The following PEBP4 variants were observed in gnomAD, a reference collection of about 807,000 sequenced individuals.
PEBP4 encodes phosphatidylethanolamine binding protein 4, also known as phosphatidylethanolamine-binding protein 4.
A neutral mutation model predicts 23.9 loss-of-function variants in PEBP4; 22 were observed. The observed-to-expected ratio is 0.92, with a 90% confidence interval of 0.66 to 1.31. The LOEUF (loss-of-function observed/expected upper bound fraction) is 1.31. PEBP4 is among the 40% of genes most tolerant of loss of function. The pLI, the probability that PEBP4 is intolerant of heterozygous loss-of-function variation, is 0.00. For synonymous variants in PEBP4, 112 were observed against 99.3 expected, an observed-to-expected ratio of 1.13 and a Z score of -0.76; for missense variants, 324 against 281.7, an observed-to-expected ratio of 1.15 and a Z score of -1.07.
chr8:22,836,054 C>G (rs1807199248), intron 3 of PEBP4, among the ~76,000 whole-genome samples: 2 of 152,244 alleles, frequency 1.3e-5, no homozygotes, highest in Non-Finnish European at 2.9e-5. Context: ...GGCTCAGGGT[C>G]TCTGCCTAAG....
intron 2 of PEBP4, among the ~76,000 whole-genome samples, chr8:22,926,594 C>A (rs1375065261): frequency 2.6e-5 from 4 of 152,136 alleles, no homozygotes; most frequent in Non-Finnish European, 2.9e-5. Context: ...TGATCCTCCA[C>A]CTTGGCCTCC....
intron 3 of PEBP4, among the ~76,000 whole-genome samples, chr8:22,824,279 G>C (rs541605626): frequency 1.9e-4 from 29 of 152,134 alleles, no homozygotes; most frequent in African/African-American, 6.3e-4. Context: ...GAAAAAAAAA[G>C]TCATGGTGAG....
intron 3 of PEBP4, among the ~76,000 whole-genome samples, chr8:22,893,232 C>G (rs1329302061): frequency 6.6e-6 from 1 of 152,124 alleles, no homozygotes; most frequent in Non-Finnish European, 1.5e-5. Flanking sequence ...AAAATTAGCC[C>G]TAGAAAAACG....
At chr8:22,787,656 C>T (rs1244589754) in intron 4 of PEBP4, among the ~76,000 whole-genome samples, 1 of 152,242 alleles carries the variant, frequency 6.6e-6, no homozygotes, top group Non-Finnish European at 1.5e-5. Context: ...GCCAATTCAA[C>T]ATGGCCTCTA....
intron 1 of PEBP4, among the ~76,000 whole-genome samples, chr8:22,938,850 G>A (rs1401710140): frequency 6.6e-6 from 1 of 152,172 alleles, no homozygotes; most frequent in Non-Finnish European, 1.5e-5. Context: ...ATTCCCCACA[G>A]CACTATGAAC....
chr8:22,763,566 T>G (rs534567081), intron 4 of PEBP4, among the ~76,000 whole-genome samples: 18 of 152,308 alleles, frequency 1.2e-4, no homozygotes, highest in African/African-American at 4.1e-4. Context: ...TTGCCTCTGT[T>G]TCCCCCATAT....
At chr8:22,902,041 G>A (rs1449981848) in intron 3 of PEBP4, among the ~76,000 whole-genome samples, 2 of 152,160 alleles carry the variant, frequency 1.3e-5, no homozygotes, top group African/African-American at 2.4e-5. Context: ...AATTTTAGCC[G>A]GGCGCAGTGG....
chr8:22,851,775 T>C (rs1341437731), intron 3 of PEBP4, among the ~76,000 whole-genome samples: 2 of 152,058 alleles, frequency 1.3e-5, no homozygotes, highest in African/African-American at 4.8e-5. Flanking sequence ...GGAGTGTGTG[T>C]CAGCCCTGAT....
intron 4 of PEBP4, among the ~76,000 whole-genome samples, chr8:22,750,159 T>TG (rs1327417470): frequency 1.3e-5 from 2 of 151,446 alleles, no homozygotes; most frequent in Non-Finnish European, 2.9e-5. Flanking sequence ...TGGAGTGCAG[T>TG]GGTGTGATCT....
chr8:22,902,566 C>T (rs183356361), intron 3 of PEBP4, among the ~76,000 whole-genome samples: 1 of 152,106 alleles, frequency 6.6e-6, no homozygotes, highest in African/African-American at 2.4e-5. Flanking sequence ...CAACCTCTCC[C>T]TCCTGCACAG....
chr8:22,848,084 ATG>A (rs943603408), intron 3 of PEBP4, among the ~76,000 whole-genome samples: 3 of 151,990 alleles, frequency 2.0e-5, no homozygotes, highest in African/African-American at 7.3e-5. Context: ...AAGCCGTTTT[ATG>A]CCTCATTACC....
chr8:22,726,732 G>A (rs914453040), intron 5 of PEBP4, among the ~76,000 whole-genome samples: 3 of 152,218 alleles, frequency 2.0e-5, no homozygotes, highest in African/African-American at 4.8e-5. Flanking sequence ...CCAAGCCCAC[G>A]CTGCTTCACG....
intron 4 of PEBP4, among the ~76,000 whole-genome samples, chr8:22,768,743 G>A (rs1419593142): frequency 6.6e-6 from 1 of 152,048 alleles, no homozygotes; most frequent in Non-Finnish European, 1.5e-5. Context: ...GAGGAGTGGG[G>A]GCGGGCTTTT....
rs116877501 is a variant in PEBP4 at position 22,819,470 on chromosome 8, G to A, written c.259-1735C>T. On this transcript the variant is annotated intron_variant, in intron 3 of 6. Coordinates refer to ENST00000256404, the MANE Select transcript of PEBP4 (RefSeq NM_144962.3). Reference sequence around the variant, plus strand: ...AATAGGCTGAGCTGAGATGGGAGACGAGGAATTGGAGATAGCTGTTAGAGA... The same window carrying A: ...AATAGGCTGAGCTGAGATGGGAGACAAGGAATTGGAGATAGCTGTTAGAGA... 2.6e-3 allele frequency among the ~76,000 whole-genome samples: 403 copies of A among 152,308 alleles called. 1 individual carries two copies. Among genetic ancestry groups the A allele is most frequent in the Middle Eastern group, 6.8e-3 (2 of 294 alleles).
chr8:22,741,149 C>G (rs1230327895), intron 4 of PEBP4, among the ~76,000 whole-genome samples: 1 of 152,124 alleles, frequency 6.6e-6, no homozygotes, highest in Non-Finnish European at 1.5e-5. Flanking sequence ...AGGGCCCTGT[C>G]CCAAGCAGGA....
chr8:22,857,096 T>G (rs1164978429), intron 3 of PEBP4, among the ~76,000 whole-genome samples: 1 of 152,156 alleles, frequency 6.6e-6, no homozygotes, highest in Non-Finnish European at 1.5e-5. Context: ...TATAAAAATG[T>G]AGAGGAATTT....
In PEBP4 at chr8:22,713,683, CG is replaced by C. The variant is rs2128747270; in HGVS notation, c.518-148del. 18 of 1,141,788 alleles carry C rather than the reference CG, an allele frequency of 1.6e-5. 1 individual carries two copies. In the South Asian group the frequency reaches 2.7e-4, roughly 17 times the overall value. 70.7% of individuals were successfully genotyped at this position (1,141,788 alleles called of 1,614,324 possible). ...GGGGCGTAGTGGCTGGGGGAGCTTC[CG>C]GCTCCTGTTGCAGAGGTAGCCCCCA... On this transcript the variant is annotated intron_variant, in intron 6 of 6. Coordinates refer to ENST00000256404, the MANE Select transcript of PEBP4 (RefSeq NM_144962.3).
chr8:22,922,006 A>G (rs1476237327), intron 2 of PEBP4, among the ~76,000 whole-genome samples: 1 of 152,204 alleles, frequency 6.6e-6, no homozygotes, highest in Non-Finnish European at 1.5e-5. Flanking sequence ...CCTTTTTATC[A>G]GAGTGGAATT....
At chr8:22,737,900 C>T (rs1363825575) in intron 4 of PEBP4, among the ~76,000 whole-genome samples, 1 of 152,158 alleles carries the variant, frequency 6.6e-6, no homozygotes, top group Non-Finnish European at 1.5e-5. Flanking sequence ...CATTACTAGG[C>T]TGAGCTCCCG....
Sources: gnomAD v4.1 joint callset for allele counts (sites outside exome capture counted in the v4.1 genomes callset) on GRCh38, gnomAD v4.1.1 for gene constraint, MANE v1.5 for transcripts, NCBI Gene and HGNC (gene_info 2026-07-23, HGNC 2026-07-21) for gene names.